BMERB1: variants seen among roughly 807,000 people sequenced by gnomAD.
BMERB1 encodes the protein bMERB domain containing 1.
A neutral mutation model predicts 23.6 loss-of-function variants in BMERB1; 12 were observed. The observed-to-expected ratio is 0.51, with a 90% CI of 0.33 to 0.82. The LOEUF is 0.82. Among genes scored for constraint, BMERB1 ranks in the 40% least tolerant of loss-of-function variants. BMERB1 has a pLI of 0.03. For missense variants in BMERB1, 247 were observed against 255.4 expected (o/e 0.97, Z 0.22); for synonymous variants, 122 against 96.6 (o/e 1.26, Z -1.54).
intron 2 of BMERB1, among the ~76,000 whole-genome samples, chr16:15,538,397 G>C (rs1328413690): frequency 6.6e-6 from 1 of 151,980 alleles, no homozygotes; most frequent in African/African-American, 2.4e-5. Context: ...AGATTGCAGT[G>C]AGCCGAGATG....
At position 15,436,578 on chromosome 16, in the gene BMERB1, T is replaced by G. The variant is rs946853795; in HGVS notation, c.106+1819T>G. On this transcript the variant is annotated intron_variant, in intron 1 of 5. Coordinates refer to ENST00000300006, the MANE Select transcript of BMERB1 (RefSeq NM_033201.3). ...CTGCCCTCTTTTAGTTATTTTTAAA[T>G]GTACAATAAATTGTTGACTGTAGTC... is the stretch of plus-strand genomic sequence containing the variant. Among the ~76,000 whole-genome samples the G allele has an allele frequency of 8.3e-4, 126 of 152,070 alleles. 2 individuals are homozygous for G. The highest frequency in any genetic ancestry group is 2.8e-4 in the Non-Finnish European group (19 of 68,016).
intron 1 of BMERB1, among the ~76,000 whole-genome samples, chr16:15,488,295 C>A (rs2051384794): frequency 6.6e-6 from 1 of 152,166 alleles, no homozygotes; most frequent in African/African-American, 2.4e-5. Context: ...CCCTTGCCCC[C>A]CGTCCAAATA....
At chr16:15,515,477 A>C in intron 2 of BMERB1, 49 bp downstream of exon 2, 1 of 1,586,196 alleles carries the variant, frequency 6.3e-7, no homozygotes, top group South Asian at 1.1e-5. Flanking sequence ...TGGAGGAGAG[A>C]GGAAAACCTA....
intron 1 of BMERB1, among the ~76,000 whole-genome samples, chr16:15,484,694 A>C (rs1014578445): frequency 6.6e-6 from 1 of 152,178 alleles, no homozygotes; most frequent in Non-Finnish European, 1.5e-5. Flanking sequence ...GAGCCACCGC[A>C]CCTGGCCTCT....
intron 2 of BMERB1, among the ~76,000 whole-genome samples, chr16:15,552,168 G>A (rs915278599): frequency 3.3e-5 from 5 of 152,024 alleles, no homozygotes; most frequent in South Asian, 4.2e-4. Flanking sequence ...AAGTGGACGC[G>A]GTGGCTCACA....
At chr16:15,512,627 C>T (rs2051684281) in intron 1 of BMERB1, among the ~76,000 whole-genome samples, 1 of 152,024 alleles carries the variant, frequency 6.6e-6, no homozygotes, top group South Asian at 2.1e-4. Context: ...ACCTGTAATC[C>T]CAGCATTATG....
chr16:15,469,024 G>C (rs566452264), intron 1 of BMERB1, among the ~76,000 whole-genome samples: 19 of 149,670 alleles, frequency 1.3e-4, no homozygotes, highest in African/African-American at 3.7e-4. Context: ...CTGGAGTCCG[G>C]TGGTGCAGTC....
At chr16:15,564,553 C>T (rs2150970899) in intron 2 of BMERB1, among the ~76,000 whole-genome samples, 1 of 152,286 alleles carries the variant, frequency 6.6e-6, no homozygotes, top group South Asian at 2.1e-4. Flanking sequence ...TTGCAAAATT[C>T]CTGAAAGGAA....
intron 2 of BMERB1, among the ~76,000 whole-genome samples, chr16:15,538,401 C>G (rs1008033139): frequency 6.6e-6 from 1 of 151,654 alleles, no homozygotes; most frequent in Non-Finnish European, 1.5e-5. Flanking sequence ...TGCAGTGAGC[C>G]GAGATGTGCC....
At chr16:15,483,468 C>T (rs2051341471) in intron 1 of BMERB1, among the ~76,000 whole-genome samples, 3 of 152,154 alleles carry the variant, frequency 2.0e-5, no homozygotes. Context: ...CAACCTCTGC[C>T]TCCTGGGTTC....
At chr16:15,580,607 G>C (rs1182363754) in intron 3 of BMERB1, among the ~76,000 whole-genome samples, 3 of 150,646 alleles carry the variant, frequency 2.0e-5, no homozygotes, top group Non-Finnish European at 4.4e-5. Context: ...GAGTGCAGTG[G>C]TGCGATCTCA....
At chr16:15,552,448 AAAGAAG>A (rs758792516) in intron 2 of BMERB1, among the ~76,000 whole-genome samples, 3 of 151,928 alleles carry the variant, frequency 2.0e-5, no homozygotes, top group Non-Finnish European at 4.4e-5. Context: ...TCAAAAAAAA[AAAGAAG>A]AAGAAGAAGA....
At chr16:15,506,337 G>A (rs1316787878) in intron 1 of BMERB1, among the ~76,000 whole-genome samples, 15 of 151,688 alleles carry the variant, frequency 9.9e-5, no homozygotes, top group Admixed American at 4.0e-4. Context: ...CACCACGCCC[G>A]GCTAATTTTT....
chr16:15,455,208 C>G (rs1160628510), intron 1 of BMERB1, among the ~76,000 whole-genome samples: 3 of 151,302 alleles, frequency 2.0e-5, no homozygotes. Flanking sequence ...CCTATAATCC[C>G]AGCTACTCAG....
At chr16:15,557,335 G>A (rs2030291863) in intron 2 of BMERB1, among the ~76,000 whole-genome samples, 1 of 152,168 alleles carries the variant, frequency 6.6e-6, no homozygotes, top group East Asian at 1.9e-4. Flanking sequence ...CAGAGACCTG[G>A]ACTAATGTGG....
chr16:15,469,717 A>G (rs1389518667), intron 1 of BMERB1, among the ~76,000 whole-genome samples: 1 of 152,188 alleles, frequency 6.6e-6, no homozygotes. Flanking sequence ...TGATAAATTT[A>G]TATTTAGGTA....
At chr16:15,475,798 T>G (rs1379411573) in intron 1 of BMERB1, among the ~76,000 whole-genome samples, 1 of 151,960 alleles carries the variant, frequency 6.6e-6, no homozygotes. Context: ...CACATGGGAG[T>G]TGGAAAATCA....
chr16:15,576,946 A>G (rs571840815), intron 3 of BMERB1, among the ~76,000 whole-genome samples: 31 of 152,284 alleles, frequency 2.0e-4, no homozygotes, highest in African/African-American at 6.7e-4. Context: ...CCTGTGGCAG[A>G]CTGCACCAAA....
chr16:15,481,719 TTTTC>T (rs1304478637), intron 1 of BMERB1, among the ~76,000 whole-genome samples: 4 of 151,654 alleles, frequency 2.6e-5, no homozygotes, highest in African/African-American at 9.7e-5. Context: ...TTTCTTTTTC[TTTTC>T]TTTCTTTTTT....
Sources: gnomAD v4.1 joint callset for allele counts (sites outside exome capture counted in the v4.1 genomes callset) on GRCh38, gnomAD v4.1.1 for gene constraint, MANE v1.5 for transcripts, NCBI Gene and HGNC (gene_info 2026-07-23, HGNC 2026-07-21) for gene names.